Variants in DLEC1 observed in about 807,000 individuals in gnomAD.
The protein encoded by DLEC1 is DLEC1 cilia and flagella associated protein, also known as deleted in lung and esophageal cancer protein 1.
DLEC1 carries 146 observed loss-of-function variants against 198.1 expected under a neutral mutation model. That is an observed-to-expected ratio of 0.74 (90% CI 0.64 to 0.85). DLEC1 has a LOEUF of 0.85. Among genes scored for constraint, DLEC1 ranks in the 40% least tolerant of loss-of-function variants. DLEC1 has a pLI of 0.00. For missense variants in DLEC1, 2,233 were observed against 2,220.0 expected, an observed-to-expected ratio of 1.01 and a Z score of -0.12; for synonymous variants, 897 against 866.8, an observed-to-expected ratio of 1.03 and a Z score of -0.61.
Position 38,094,931 on chromosome 3 carries a change from C to T in DLEC1, c.1972C>T (p.Leu658Phe). The T allele has an allele frequency of 6.2e-7, 1 of 1,614,202 alleles. No homozygotes were observed. The change falls in exon 13 of 37, where the codon CTC (leucine) becomes TTC (phenylalanine). Residue 658 changes from leucine (L) to phenylalanine (F), a missense_variant. Leu to Phe is a conservative substitution (Grantham distance 22). Coordinates refer to ENST00000308059, the MANE Select transcript of DLEC1 (RefSeq NM_007335.4). ...GATCATGAAGCCCAACCTGCAGCCC[C>T]TCATGCCTGGAGAAACCTTCAGCAT... is the stretch of plus-strand genomic sequence containing the variant. ...WQIMKPNLQP[L>F]MPGETFSMDS...
chr3:38,095,129 C>CA (rs1553619822), intron 13 of DLEC1, 58 bp downstream of exon 13: 2 of 1,581,840 alleles, frequency 1.3e-6, no homozygotes, highest in Non-Finnish European at 1.7e-6. Context: ...TTAGACCCCC[C>CA]ACCTGTGTTC....
At chr3:38,052,059 A>T (rs1336547580) in intron 2 of DLEC1, 1 of 251,258 alleles carries the variant, frequency 4.0e-6, no homozygotes, top group Non-Finnish European at 8.3e-6. Context: ...TACCAGTGCA[A>T]TGTGCTTGTC....
intron 6 of DLEC1, among the ~76,000 whole-genome samples, chr3:38,083,196 G>A (rs1159520319): frequency 1.3e-5 from 2 of 151,694 alleles, no homozygotes; most frequent in Admixed American, 6.6e-5. Context: ...TCCGTGTGAA[G>A]AGACCACCAA....
Position 38,121,039 on chromosome 3 carries a change from G to A in DLEC1, c.4866+430G>A, listed in dbSNP as rs1288782058. 3.3e-5 allele frequency among the ~76,000 whole-genome samples: 5 copies of A among 152,218 alleles called. No individual in the cohort carries two copies. The East Asian group carries it at 9.6e-4, about 29-fold the overall frequency. Reference sequence around the variant, plus strand: ...GCACCATGGACCAGGTCACCAGGCCGTAGTGTGGAGGCTAAGCAGGGGCTG... The same window carrying A: ...GCACCATGGACCAGGTCACCAGGCCATAGTGTGGAGGCTAAGCAGGGGCTG... On this transcript the variant is annotated intron_variant, in intron 34 of 36. Transcript: ENST00000308059.
In DLEC1 at chr3:38,120,509, A is replaced by G; in HGVS notation, c.4766A>G (p.Gln1589Arg). The change falls in exon 34 of 37, where the codon CAG becomes CGG. Residue 1589 changes from glutamine (Q) to arginine (R), a missense_variant. Physicochemically the swap from Gln to Arg is conservative, Grantham distance 43. Coordinates refer to ENST00000308059, the MANE Select transcript of DLEC1 (RefSeq NM_007335.4). ...LLSYQKLPAD[Q>R]TLPGVDIQQS... The stretch of plus-strand genomic sequence containing the variant: ...TCCTATCAGAAGCTCCCAGCTGACC[A>G]GACACTGCCTGGGGTGGACATTCAG... 1.2e-6 allele frequency: 2 copies of G among 1,614,250 alleles called. No homozygotes were observed. The highest frequency in any genetic ancestry group is 1.7e-6 in the Non-Finnish European group (2 of 1,180,026).
At chr3:38,106,198 A>C (rs959625994) in intron 19 of DLEC1, among the ~76,000 whole-genome samples, 23 of 152,210 alleles carry the variant, frequency 1.5e-4, no homozygotes, top group Non-Finnish European at 1.0e-4. Context: ...AGTAAGCAAA[A>C]ATACATTTAT....
At chr3:38,114,926 T>C in intron 26 of DLEC1, 57 bp from the exon 27 acceptor site, 1 of 1,528,008 alleles carries the variant, frequency 6.5e-7, no homozygotes, top group South Asian at 1.2e-5. Context: ...CCCTCCTCCC[T>C]ACCTGCAAGG....
At chr3:38,047,367 A>G (rs1420371865) in intron 2 of DLEC1, among the ~76,000 whole-genome samples, 1 of 152,250 alleles carries the variant, frequency 6.6e-6, no homozygotes, top group Non-Finnish European at 1.5e-5. Context: ...CCTGTGTTGT[A>G]GATATAGATG....
intron 6 of DLEC1, among the ~76,000 whole-genome samples, chr3:38,065,923 C>T (rs1452322596): frequency 3.3e-5 from 5 of 152,322 alleles, no homozygotes; most frequent in South Asian, 2.1e-4. Context: ...ACTGCAATTT[C>T]GTACACCCTG....
intron 2 of DLEC1, among the ~76,000 whole-genome samples, chr3:38,054,197 TAAAAAAAAAAAC>T (rs71094941): frequency 0.21 from 30,137 of 145,508 alleles, 3,550 homozygotes; most frequent in East Asian, 0.36. Context: ...CAATAAATAC[TAAAAAAAAAAAC>T]AAAACAAAAA....
intron 3 of DLEC1, among the ~76,000 whole-genome samples, chr3:38,061,525 C>G (rs1489508070): frequency 6.6e-6 from 1 of 152,172 alleles, no homozygotes; most frequent in Non-Finnish European, 1.5e-5. Context: ...CTCATACAAA[C>G]TTTCATTCCT....
intron 6 of DLEC1, among the ~76,000 whole-genome samples, chr3:38,064,522 G>A (rs1696889263): frequency 6.6e-6 from 1 of 152,174 alleles, no homozygotes; most frequent in African/African-American, 2.4e-5. Flanking sequence ...ATGAGCTATT[G>A]GGTACACCTC....
intron 33 of DLEC1, among the ~76,000 whole-genome samples, chr3:38,118,356 C>G (rs1350691541): frequency 6.6e-6 from 1 of 152,172 alleles, no homozygotes; most frequent in African/African-American, 2.4e-5. Context: ...CTGTGAGCAC[C>G]TCCCCTTCCC....
chr3:38,051,303 C>T lies in DLEC1; in HGVS notation c.562+5610C>T, dbSNP rs559557572. The stretch of plus-strand genomic sequence containing the variant: ...GGCGCTGGTGACAGCCGGGACTGAT[C>T]GCTCAGCGGCAGTGGCGCAGAGGCC... On this transcript the variant is annotated intron_variant, in intron 2 of 36. Coordinates refer to ENST00000308059, the MANE Select transcript of DLEC1 (RefSeq NM_007335.4). 1.4e-3 allele frequency among the ~76,000 whole-genome samples: 209 copies of T among 152,352 alleles called. 1 individual carries two copies. The highest frequency in any genetic ancestry group is 2.4e-3 in the Non-Finnish European group (164 of 68,038).
At chr3:38,088,856 G>A (rs1698600329) in intron 10 of DLEC1, among the ~76,000 whole-genome samples, 1 of 152,248 alleles carries the variant, frequency 6.6e-6, no homozygotes, top group Non-Finnish European at 1.5e-5. Flanking sequence ...CTCTGCAGAA[G>A]CTCTCAGTGG....
chr3:38,115,177 C>A, intron 27 of DLEC1, 124 bp downstream of exon 27: 1 of 1,020,442 alleles, frequency 9.8e-7, no homozygotes, highest in Non-Finnish European at 1.5e-6. Context: ...GTCCAGGGGG[C>A]CTGTGGTTAC....
chr3:38,069,506 C>A (rs1559413885), intron 6 of DLEC1, among the ~76,000 whole-genome samples: 1 of 152,284 alleles, frequency 6.6e-6, no homozygotes, highest in Non-Finnish European at 1.5e-5. Flanking sequence ...CACACACACA[C>A]ACGCAGCCAA....
intron 10 of DLEC1, among the ~76,000 whole-genome samples, chr3:38,092,143 T>C (rs1326198718): frequency 6.6e-6 from 1 of 152,216 alleles, no homozygotes; most frequent in Non-Finnish European, 1.5e-5. Context: ...AGGCAAGCTA[T>C]GGAATCACCC....
At chr3:38,075,974 G>A (rs929090504) in intron 6 of DLEC1, among the ~76,000 whole-genome samples, 5 of 152,214 alleles carry the variant, frequency 3.3e-5, no homozygotes, top group South Asian at 2.1e-4. Context: ...CCTCTGAAAC[G>A]TGGGTGAATA....
Sources: gnomAD v4.1 joint callset for allele counts (sites outside exome capture counted in the v4.1 genomes callset) on GRCh38, gnomAD v4.1.1 for gene constraint, MANE v1.5 for transcripts, NCBI Gene and HGNC (gene_info 2026-07-23, HGNC 2026-07-21) for gene names.